Variants in GRIP1 observed in about 807,000 individuals in gnomAD.
GRIP1 encodes the protein glutamate receptor interacting protein 1, also known as glutamate receptor-interacting protein 1.
In GRIP1, 45 loss-of-function variants were observed where a neutral mutation model predicts 129.9. The observed-to-expected ratio is 0.35, with a 90% confidence interval of 0.27 to 0.44. The LOEUF is 0.44. Ranked by LOEUF, GRIP1 falls within the 20% of genes least tolerant of loss-of-function variation. The pLI is 1.00. For synonymous variants in GRIP1, 530 were observed against 520.8 expected, an observed-to-expected ratio of 1.02 and a Z score of -0.24; for missense variants, 1,196 against 1,396.8, an observed-to-expected ratio of 0.86 and a Z score of 2.29.
chr12:66,358,510 G>A (rs1168352), intron 23 of GRIP1, among the ~76,000 whole-genome samples: 65,152 of 151,850 alleles, frequency 0.43, 14,369 homozygotes, highest in East Asian at 0.52. Flanking sequence ...GCAGTGGCGC[G>A]ATCTCGGCTC....
At chr12:66,778,043 A>G (rs1233747473) in intron 1 of GRIP1, among the ~76,000 whole-genome samples, 6 of 152,206 alleles carry the variant, frequency 3.9e-5, no homozygotes, top group Non-Finnish European at 8.8e-5. Context: ...AATATAAAGA[A>G]AGCAAAATAC....
intron 2 of GRIP1, chr12:66,567,677 C>T (rs146568858): frequency 1.4e-3 from 313 of 218,962 alleles, no homozygotes; most frequent in African/African-American, 6.9e-3. Flanking sequence ...CTGCATTTTC[C>T]CCTGTTGCAT....
Position 66,379,460 on chromosome 12 carries a change from C to T in GRIP1, c.2465-24G>A, listed in dbSNP as rs1196903135. ...GCCTAAAATATAAACAAGGTGTTAG[C>T]ATTGGGCCCAAGGATTACTTAATCC... On this transcript the variant is annotated intron_variant, in intron 19 of 24. Coordinates refer to ENST00000359742, the MANE Select transcript of GRIP1 (RefSeq NM_001366722.1). The T allele has an allele frequency of 1.9e-6, 3 of 1,612,282 alleles. No individual in the cohort carries two copies. In the Admixed American group the frequency reaches 5.0e-5, roughly 27 times the overall value.
At chr12:66,395,999 C>T (rs1478102726) in intron 16 of GRIP1, among the ~76,000 whole-genome samples, 1 of 152,180 alleles carries the variant, frequency 6.6e-6, no homozygotes, top group Non-Finnish European at 1.5e-5. Flanking sequence ...TCAGAGCTGG[C>T]TTTGACCTAA....
chr12:66,917,912 T>C (rs946001916), intron 1 of GRIP1, among the ~76,000 whole-genome samples: 2 of 150,238 alleles, frequency 1.3e-5, no homozygotes, highest in Non-Finnish European at 3.0e-5. Context: ...TGTATCAGAG[T>C]TTTCCAAAGC....
intron 1 of GRIP1, among the ~76,000 whole-genome samples, chr12:67,045,769 A>T (rs1414208035): frequency 6.6e-6 from 1 of 152,174 alleles, no homozygotes; most frequent in African/African-American, 2.4e-5. Context: ...GCACACAGTA[A>T]ACCTCAAACT....
At chr12:66,596,770 A>C in intron 2 of GRIP1, 77 bp downstream of exon 2, 1 of 825,082 alleles carries the variant, frequency 1.2e-6, no homozygotes, top group Non-Finnish European at 2.2e-6. Flanking sequence ...ATTTTTACCA[A>C]GTTGGAATTA....
In GRIP1 at chr12:67,016,208, C is replaced by A. The variant is rs114197850; in HGVS notation, c.58+52842G>T. Among the ~76,000 whole-genome samples, 419 of 152,236 alleles carry A rather than the reference C, an allele frequency of 2.8e-3. 3 individuals carry two copies. The highest frequency in any genetic ancestry group is 9.6e-3 in the African/African-American group (397 of 41,544). On this transcript the variant is annotated intron_variant, in intron 1 of 1. Transcript: ENST00000643019. ...ATGTAAGAAATAAAATGGTTCCTTT[C>A]TCTAAAAAAGATAGAAATTCCAAAC...
intron 8 of GRIP1, among the ~76,000 whole-genome samples, chr12:66,464,236 T>C (rs1052938315): frequency 6.6e-6 from 1 of 152,248 alleles, no homozygotes; most frequent in African/African-American, 2.4e-5. Flanking sequence ...TGGAGTGCTT[T>C]AGCTATGGGA....
At chr12:66,933,493 C>A (rs1490786127) in intron 1 of GRIP1, among the ~76,000 whole-genome samples, 1 of 152,094 alleles carries the variant, frequency 6.6e-6, no homozygotes, top group Non-Finnish European at 1.5e-5. Context: ...TATTATTAAG[C>A]TTTTTCCCTT....
At chr12:66,523,677 C>A (rs1384019474) in intron 5 of GRIP1, among the ~76,000 whole-genome samples, 1 of 151,762 alleles carries the variant, frequency 6.6e-6, no homozygotes, top group African/African-American at 2.4e-5. Context: ...TCACACATAA[C>A]AATTTAACTT....
rs765129131 is a variant in GRIP1, at chr12:66,614,742, C to T, written c.56-17815G>A. 7.9e-5 allele frequency among the ~76,000 whole-genome samples: 12 copies of T among 152,146 alleles called. 2 individuals carry two copies. The Middle Eastern group carries it at 0.017, about 216-fold the overall frequency. ...ATGGTCTACAAGGCCGTCTGTAATC[C>T]GACCCCAACCCATCATCTTCACCTT... On this transcript the variant is annotated intron_variant, in intron 1 of 24. Coordinates refer to ENST00000359742, the MANE Select transcript of GRIP1 (RefSeq NM_001366722.1).
At chr12:66,600,559 TC>T (rs1292399549) in intron 1 of GRIP1, among the ~76,000 whole-genome samples, 28 of 152,352 alleles carry the variant, frequency 1.8e-4, no homozygotes, top group African/African-American at 6.5e-4. Context: ...CTTCTGCTTT[TC>T]TTTTTCTAGG....
chr12:66,768,786 T>TG (rs1478038999), intron 1 of GRIP1, among the ~76,000 whole-genome samples: 1 of 151,856 alleles, frequency 6.6e-6, no homozygotes, highest in Non-Finnish European at 1.5e-5. Flanking sequence ...CATAACAGGG[T>TG]GAAAAAAAAC....
At chr12:66,587,807 A>G (rs11176293) in intron 2 of GRIP1, among the ~76,000 whole-genome samples, 37,456 of 152,064 alleles carry the variant, frequency 0.25, 4,750 homozygotes, top group Admixed American at 0.28. Context: ...TCCGTGCAGA[A>G]GGCAGAGGGG....
At chr12:66,864,414 A>G (rs1351517622) in intron 1 of GRIP1, among the ~76,000 whole-genome samples, 1 of 152,154 alleles carries the variant, frequency 6.6e-6, no homozygotes, top group East Asian at 1.9e-4. Flanking sequence ...ATATAAAATA[A>G]TTTTTAAAGG....
chr12:66,406,837 G>A (rs1001768660), intron 15 of GRIP1, among the ~76,000 whole-genome samples: 2 of 152,158 alleles, frequency 1.3e-5, no homozygotes, highest in Non-Finnish European at 2.9e-5. Flanking sequence ...AAGGCAAGGT[G>A]TAATAGAGTT....
intron 5 of GRIP1, among the ~76,000 whole-genome samples, chr12:66,526,070 T>C (rs146879561): frequency 0.47 from 71,990 of 151,918 alleles, 17,310 homozygotes; most frequent in African/African-American, 0.56. Flanking sequence ...TACTCATCGA[T>C]AGGAAGAATC....
chr12:66,718,284 C>T (rs989098322), intron 1 of GRIP1, among the ~76,000 whole-genome samples: 2 of 152,098 alleles, frequency 1.3e-5, no homozygotes, highest in African/African-American at 4.8e-5. Context: ...GTTTGCTCCA[C>T]TTGTTGAGCC....
Sources: allele counts gnomAD v4.1 joint callset (sites outside exome capture counted in the v4.1 genomes callset), GRCh38; gene constraint gnomAD v4.1.1; transcripts MANE v1.5; gene names NCBI Gene and HGNC (gene_info 2026-07-23, HGNC 2026-07-21).